The following GDAP1 variants were observed in gnomAD, a reference collection of about 807,000 sequenced individuals.
The protein encoded by GDAP1 is ganglioside induced differentiation associated protein 1, also known as ganglioside-induced differentiation-associated protein 1.
GDAP1 carries 34 observed loss-of-function variants against 40.1 expected under a neutral mutation model. The ratio of observed to expected loss-of-function variants is 0.85; its 90% confidence interval spans 0.64 to 1.13. The LOEUF is 1.13. GDAP1 is among the 50% of genes most tolerant of loss of function. GDAP1 has a pLI of 0.00. For synonymous variants in GDAP1, 170 were observed against 157.4 expected (o/e 1.08, Z -0.60); for missense variants, 374 against 433.7 (o/e 0.86, Z 1.22).
intron 2 of GDAP1, among the ~76,000 whole-genome samples, chr8:74,409,510 G>A (rs1299891530): frequency 6.7e-6 from 1 of 149,490 alleles, no homozygotes. Flanking sequence ...CACCATTACT[G>A]CCCTGCTAAT....
intron 2 of GDAP1, among the ~76,000 whole-genome samples, chr8:74,479,350 T>C (rs1225963507): frequency 6.6e-6 from 1 of 152,212 alleles, no homozygotes; most frequent in African/African-American, 2.4e-5. Context: ...AATTATATTA[T>C]TTAGATATTT....
At chr8:74,407,648 C>G (rs1317417360) in intron 2 of GDAP1, among the ~76,000 whole-genome samples, 3 of 149,896 alleles carry the variant, frequency 2.0e-5, no homozygotes, top group African/African-American at 7.6e-5. Context: ...TACTAAACTT[C>G]CATTCATTCA....
chr8:74,356,266 C>A (rs1311785617), intron 2 of GDAP1, among the ~76,000 whole-genome samples: 1 of 152,054 alleles, frequency 6.6e-6, no homozygotes, highest in Non-Finnish European at 1.5e-5. Flanking sequence ...CCAGTTTTAG[C>A]AGACAGGTTG....
chr8:74,477,463 G>GC (rs550922758), intron 2 of GDAP1, among the ~76,000 whole-genome samples: 1,734 of 147,180 alleles, frequency 0.012, 28 homozygotes, highest in African/African-American at 0.041. Flanking sequence ...CCTTTGGATG[G>GC]TTTTTTTTTT....
chr8:74,484,446 G>A (rs1269691814), intron 2 of GDAP1, among the ~76,000 whole-genome samples: 3 of 152,070 alleles, frequency 2.0e-5, no homozygotes, highest in East Asian at 1.9e-4. Context: ...TAAGGATATC[G>A]GAAAATAATG....
rs1227220052 is a variant in GDAP1, at chr8:74,399,628, T to C, written c.165+48307T>C. Among the ~76,000 whole-genome samples the C allele has an allele frequency of 1.5e-5, 2 of 136,756 alleles. 1 individual carries two copies. The highest frequency in any genetic ancestry group is 6.4e-5 in the African/African-American group (2 of 31,098). The allele number at this position is 136,756 out of a possible 152,430, so 89.7% of individuals were successfully genotyped here. A position where few individuals can be genotyped will look rare whatever the true frequency, so the allele number is the denominator to read the frequency against. ...GTTTGCTCTTGCTTTTCTAGTTCTT[T>C]TAATTGTGATGTTAGGGTGTCAATT... On this transcript the variant is annotated intron_variant, in intron 2 of 2. Transcript: ENST00000523640.
intron 2 of GDAP1, among the ~76,000 whole-genome samples, chr8:74,472,598 T>C (rs1339085858): frequency 6.6e-6 from 1 of 152,078 alleles, no homozygotes; most frequent in Non-Finnish European, 1.5e-5. Context: ...CACCAGCATC[T>C]GTTTTTTTTT....
At chr8:74,369,708 A>C (rs1809716194), downstream of GDAP1, among the ~76,000 whole-genome samples, 1 of 152,168 alleles carries the variant, frequency 6.6e-6, no homozygotes, top group Non-Finnish European at 1.5e-5. Context: ...TTACTCGTCC[A>C]AGAAAATCAC....
intron 2 of GDAP1, among the ~76,000 whole-genome samples, chr8:74,402,442 C>A (rs1810362693): frequency 6.6e-6 from 1 of 150,380 alleles, no homozygotes; most frequent in Non-Finnish European, 1.5e-5. Flanking sequence ...ACCCGATTTT[C>A]CAGGTGCCGT....
Position 74,362,002 on chromosome 8 carries a change from T to C in GDAP1, c.579+24T>C, listed in dbSNP as rs146014328. The C allele has an allele frequency of 1.6e-4, 191 of 1,158,160 alleles. 1 individual carries two copies. The East Asian group carries it at 4.3e-3, about 26-fold the overall frequency. The allele number at this position is 1,158,160 out of a possible 1,614,324, so 71.7% of individuals were successfully genotyped here. On this transcript the variant is annotated intron_variant, in intron 4 of 5. Transcript: ENST00000220822. ...AAGTAAGCCAATCAGCTGTCCTCAG[T>C]TGACATACACTGCACGGAGTAAATG...
intron 2 of GDAP1, among the ~76,000 whole-genome samples, chr8:74,435,158 C>G (rs1265168027): frequency 6.6e-6 from 1 of 152,158 alleles, no homozygotes; most frequent in Non-Finnish European, 1.5e-5. Context: ...GAAATCTTCT[C>G]TTTCAAAGCA....
At chr8:74,352,546 G>A (rs1808927922) in intron 2 of GDAP1, among the ~76,000 whole-genome samples, 1 of 152,250 alleles carries the variant, frequency 6.6e-6, no homozygotes, top group Non-Finnish European at 1.5e-5. Context: ...GCAGTGGCGA[G>A]GGGGAAGCCC....
chr8:74,441,596 G>A (rs571384732), intron 2 of GDAP1, among the ~76,000 whole-genome samples: 4 of 152,154 alleles, frequency 2.6e-5, no homozygotes, highest in African/African-American at 7.2e-5. Context: ...CATAAACTTT[G>A]TAAGAGTTCT....
Position 74,351,565 on chromosome 8 carries a change from G to T in GDAP1, c.310+99G>T, listed in dbSNP as rs141022085. On this transcript the variant is annotated intron_variant, in intron 2 of 5. Coordinates refer to ENST00000220822, the MANE Select transcript of GDAP1 (RefSeq NM_018972.4). ...TCTCTCCTCTCTCTCTTTCTCTTGT[G>T]TCATGATGGTGGTTTGGGATTAAAA... 29 of 938,420 alleles carry T rather than the reference G, an allele frequency of 3.1e-5. No individual in the cohort carries two copies. In the Middle Eastern group the frequency reaches 7.0e-4, roughly 23 times the overall value. 58.1% of individuals were successfully genotyped at this position (938,420 alleles called of 1,614,324 possible).
chr8:74,360,243 C>G lies in GDAP1; in HGVS notation c.417C>G (p.Gly139=). The G allele has an allele frequency of 1.2e-6, 2 of 1,613,688 alleles. No homozygotes were observed. The highest frequency in any genetic ancestry group is 2.7e-5 in the African/African-American group (2 of 75,028). ...DSLPMDAYTH[G]CILHPELTVD... is the part of the protein sequence containing the mutation. ...TGCCAATGGATGCCTATACACATGG[C>G]TGCATTTTACATCCTGAGTTAACTG... is the stretch of plus-strand genomic sequence containing the variant. The change falls in exon 3 of 6, where the codon GGC becomes GGG. Residue 139 remains glycine (G), a synonymous_variant. Coordinates refer to ENST00000220822, the MANE Select transcript of GDAP1 (RefSeq NM_018972.4).
chr8:74,475,196 T>A (rs551509326), intron 2 of GDAP1, among the ~76,000 whole-genome samples: 15 of 152,214 alleles, frequency 9.9e-5, no homozygotes, highest in Admixed American at 2.6e-4. Context: ...TAGCTAGCAG[T>A]CTATCTATCT....
chr8:74,401,372 C>T (rs189555924), intron 2 of GDAP1, among the ~76,000 whole-genome samples: 1 of 149,988 alleles, frequency 6.7e-6, no homozygotes, highest in Admixed American at 6.6e-5. Flanking sequence ...GCATTCTTCA[C>T]GTAGTTCTCG....
intron 2 of GDAP1, among the ~76,000 whole-genome samples, chr8:74,355,033 C>G (rs1187787820): frequency 6.6e-6 from 1 of 152,112 alleles, no homozygotes; most frequent in Non-Finnish European, 1.5e-5. Flanking sequence ...CATTTTTCAA[C>G]TTTTTTGTTT....
chr8:74,391,388 C>T (rs974201432), intron 2 of GDAP1, among the ~76,000 whole-genome samples: 3 of 148,584 alleles, frequency 2.0e-5, no homozygotes. Context: ...CAGAATGCAT[C>T]GTTCCTCATG....
Sources: gnomAD v4.1 joint callset for allele counts (sites outside exome capture counted in the v4.1 genomes callset) on GRCh38, gnomAD v4.1.1 for gene constraint, MANE v1.5 for transcripts, NCBI Gene and HGNC (gene_info 2026-07-23, HGNC 2026-07-21) for gene names.